DAB1: variants seen among roughly 807,000 people sequenced by gnomAD.
DAB1 encodes disabled homolog 1.
DAB1 carries 15 observed loss-of-function variants against 64.6 expected under a neutral mutation model. The ratio of observed to expected loss-of-function variants is 0.23; its 90% CI spans 0.16 to 0.36. The LOEUF (loss-of-function observed/expected upper bound fraction) is 0.36, where lower values mean the gene tolerates loss of function less well. Among genes scored for constraint, DAB1 ranks in the 10% least tolerant of loss-of-function variants. DAB1 has a pLI of 1.00. For missense variants in DAB1, 596 were observed against 706.7 expected (o/e 0.84, Z 1.78); for synonymous variants, 235 against 251.9 (o/e 0.93, Z 0.64).
chr1:58,255,019 A>G (rs1274083623), intron 4 of DAB1, among the ~76,000 whole-genome samples: 8 of 83,462 alleles, frequency 9.6e-5, no homozygotes, highest in Admixed American at 3.1e-4. Flanking sequence ...TCCCACCAAC[A>G]GTGTAAAAGT....
intron 1 of DAB1, among the ~76,000 whole-genome samples, chr1:58,529,373 CA>C (rs1646398522): frequency 6.6e-6 from 1 of 152,122 alleles, no homozygotes; most frequent in South Asian, 2.1e-4. Context: ...AGATGTAAAA[CA>C]AAAAAATTAT....
intron 2 of DAB1, among the ~76,000 whole-genome samples, chr1:57,236,195 C>T (rs984317283): frequency 6.6e-6 from 1 of 152,182 alleles, no homozygotes; most frequent in African/African-American, 2.4e-5. Flanking sequence ...TCATTCACTA[C>T]CTGCATACCA....
In DAB1 at chr1:57,690,916, A is replaced by G. The variant is rs114424252; in HGVS notation, n.552-41251T>C. Among the ~76,000 whole-genome samples the G allele has an allele frequency of 7.2e-3, 1,099 of 152,282 alleles. 14 individuals carry two copies. The highest frequency in any genetic ancestry group is 0.024 in the African/African-American group (1,016 of 41,560). Reference sequence around the variant, plus strand: ...ATATATTATGTTGAGCACTTTTTATATGCCTGTTTACCATTTGTGCATCTT... The same window carrying G: ...ATATATTATGTTGAGCACTTTTTATGTGCCTGTTTACCATTTGTGCATCTT... On this transcript the variant is annotated intron_variant and non_coding_transcript_variant, in intron 6 of 20. Coordinates refer to the DAB1 transcript ENST00000485760.
chr1:57,023,867 C>G (rs55847018), intron 10 of DAB1, among the ~76,000 whole-genome samples: 2,265 of 152,302 alleles, frequency 0.015, 33 homozygotes, highest in Non-Finnish European at 0.021. Flanking sequence ...AATTATTTTA[C>G]ATTACTTAAA....
chr1:57,788,339 C>T (rs538158207), intron 6 of DAB1, among the ~76,000 whole-genome samples: 1 of 152,222 alleles, frequency 6.6e-6, no homozygotes, highest in African/African-American at 2.4e-5. Context: ...TACCACCCAG[C>T]AATAAACAGG....
intron 1 of DAB1, among the ~76,000 whole-genome samples, chr1:57,366,240 C>T (rs529304932): frequency 2.0e-5 from 3 of 152,244 alleles, no homozygotes; most frequent in Admixed American, 1.3e-4. Flanking sequence ...TTTATGAGTC[C>T]GTTTTACTTA....
intron 5 of DAB1, among the ~76,000 whole-genome samples, chr1:57,969,722 C>T (rs571643307): frequency 1.3e-5 from 2 of 152,220 alleles, no homozygotes; most frequent in South Asian, 4.1e-4. Context: ...TTGATTCTTG[C>T]AATCAAATCA....
intron 9 of DAB1, chr1:57,033,484 G>T (rs1570552676): frequency 1.2e-6 from 2 of 1,612,658 alleles, no homozygotes; most frequent in East Asian, 4.5e-5. Context: ...ATGAGAAAAT[G>T]ACATGAAACA....
intron 5 of DAB1, among the ~76,000 whole-genome samples, chr1:57,902,345 C>G (rs553166178): frequency 2.4e-4 from 37 of 152,032 alleles, no homozygotes; most frequent in African/African-American, 8.4e-4. Context: ...TTGGCAATAT[C>G]GTTATCTTGT....
chr1:58,502,876 A>G (rs1413931533), intron 3 of DAB1, among the ~76,000 whole-genome samples: 2 of 152,208 alleles, frequency 1.3e-5, no homozygotes, highest in African/African-American at 4.8e-5. Flanking sequence ...AAGAAATTAT[A>G]TGAGGTTTTC....
chr1:57,333,509 C>G (rs1414055128), intron 1 of DAB1, among the ~76,000 whole-genome samples: 3 of 152,246 alleles, frequency 2.0e-5, no homozygotes, highest in African/African-American at 7.2e-5. Context: ...ATTCTTATTT[C>G]TCCACCTCGC....
At chr1:58,517,641 C>T (rs1431490891) in intron 2 of DAB1, among the ~76,000 whole-genome samples, 1 of 152,122 alleles carries the variant, frequency 6.6e-6, no homozygotes, top group Non-Finnish European at 1.5e-5. Context: ...TATTAAATTT[C>T]TGTCTCTTGA....
intron 1 of DAB1, among the ~76,000 whole-genome samples, chr1:57,374,119 TAAAC>T (rs996735714): frequency 1.3e-5 from 2 of 152,178 alleles, no homozygotes; most frequent in Admixed American, 6.5e-5. Flanking sequence ...CAAATTAAAA[TAAAC>T]AAACAAACCA....
At chr1:57,516,438 T>A (rs1369452236) in intron 7 of DAB1, among the ~76,000 whole-genome samples, 2 of 152,218 alleles carry the variant, frequency 1.3e-5, no homozygotes, top group Non-Finnish European at 2.9e-5. Context: ...GGAATGTGTA[T>A]TTACACCCCC....
chr1:57,110,502 T>A (rs774172189), intron 4 of DAB1, among the ~76,000 whole-genome samples: 21 of 152,354 alleles, frequency 1.4e-4, no homozygotes, highest in Non-Finnish European at 2.2e-4. Context: ...TCCTTTCAGC[T>A]CTGAAATTCT....
chr1:57,464,647 A>G (rs2101188943), intron 7 of DAB1, among the ~76,000 whole-genome samples: 1 of 152,286 alleles, frequency 6.6e-6, no homozygotes, highest in African/African-American at 2.4e-5. Flanking sequence ...GGGAAAAGGT[A>G]TATTAAACAC....
chr1:57,902,192 T>C lies in DAB1; in HGVS notation n.388-18030A>G, dbSNP rs115824537. Among the ~76,000 whole-genome samples, 357 of 151,578 alleles carry C rather than the reference T, an allele frequency of 2.4e-3. 1 individual carries two copies. The highest frequency in any genetic ancestry group is 8.0e-3 in the African/African-American group (331 of 41,370). On this transcript the variant is annotated intron_variant and non_coding_transcript_variant, in intron 5 of 20. Coordinates refer to the DAB1 transcript ENST00000485760. ...AAAAAAGAAAGAAACTATTGAAAAG[T>C]ATTGAAAAGCTTTAATTATAGCACA...
intron 7 of DAB1, among the ~76,000 whole-genome samples, chr1:57,540,935 C>CA (rs1459379630): frequency 5.9e-5 from 9 of 152,174 alleles, no homozygotes; most frequent in African/African-American, 1.9e-4. Flanking sequence ...TACTTAACAA[C>CA]AATGTACTGT....
chr1:57,537,090 G>A (rs1644738946), intron 7 of DAB1, among the ~76,000 whole-genome samples: 1 of 152,202 alleles, frequency 6.6e-6, no homozygotes, highest in African/African-American at 2.4e-5. Flanking sequence ...TTGAAATGAT[G>A]TCAGATAGAC....
Sources: allele counts gnomAD v4.1 joint callset (sites outside exome capture counted in the v4.1 genomes callset), GRCh38; gene constraint gnomAD v4.1.1; transcripts MANE v1.5; gene names NCBI Gene and HGNC (gene_info 2026-07-23, HGNC 2026-07-21).